NR2E1: variants seen among roughly 807,000 people sequenced by gnomAD.
NR2E1 encodes the protein nuclear receptor TLX.
A neutral mutation model predicts 43.6 loss-of-function variants in NR2E1; 5 were observed. That is an observed-to-expected ratio of 0.11 (90% CI 0.06 to 0.24). NR2E1 has a LOEUF of 0.24. NR2E1 is among the 10% of genes least tolerant of loss of function. The pLI is 1.00. For synonymous variants in NR2E1, 191 were observed against 195.5 expected (o/e 0.98, Z 0.19); for missense variants, 287 against 496.7 (o/e 0.58, Z 4.01).
intron 1 of NR2E1, among the ~76,000 whole-genome samples, chr6:108,168,396 T>A (rs393427): frequency 0.59 from 89,279 of 152,040 alleles, 26,659 homozygotes; most frequent in African/African-American, 0.65. Flanking sequence ...CTGGGGCCCT[T>A]GAAAGGTGAG....
chr6:108,182,505 C>T (rs1774008496), intron 8 of NR2E1, among the ~76,000 whole-genome samples: 1 of 151,320 alleles, frequency 6.6e-6, no homozygotes, highest in African/African-American at 2.4e-5. Context: ...CCTCCCACCT[C>T]AGCCTATTGA....
intron 4 of NR2E1, 34 bp downstream of exon 4, chr6:108,176,772 G>A (rs1773906715): frequency 6.5e-7 from 1 of 1,526,864 alleles, no homozygotes; most frequent in Non-Finnish European, 8.8e-7. Flanking sequence ...AGAGACTCGT[G>A]CCAGCGAATG....
At chr6:108,185,061 T>C (rs575445644) in intron 8 of NR2E1, among the ~76,000 whole-genome samples, 17 of 152,268 alleles carry the variant, frequency 1.1e-4, no homozygotes, top group African/African-American at 3.9e-4. Context: ...AGTGAACACT[T>C]TTTCCTCCAG....
At chr6:108,184,870 T>G (rs1774048862) in intron 8 of NR2E1, among the ~76,000 whole-genome samples, 1 of 152,250 alleles carries the variant, frequency 6.6e-6, no homozygotes, top group Admixed American at 6.5e-5. Context: ...CTATTAAATA[T>G]TAGAATAGTA....
chr6:108,179,502 G>GTA (rs1194447797), intron 5 of NR2E1, among the ~76,000 whole-genome samples: 4 of 150,208 alleles, frequency 2.7e-5, no homozygotes, highest in African/African-American at 9.8e-5. Context: ...CTGTGTGTGT[G>GTA]TGTGTGTGTG....
At chr6:108,168,019 A>G in intron 1 of NR2E1, 1 of 1,588,146 alleles carries the variant, frequency 6.3e-7, no homozygotes, top group Non-Finnish European at 8.6e-7. Context: ...ACAAAAAGAA[A>G]AGGAGAAATG....
At position 108,188,250 on chromosome 6, in the gene NR2E1, AT is replaced by A. The variant is rs2114685909; in HGVS notation, c.*788del. On this transcript the variant is annotated 3_prime_UTR_variant, in exon 9 of 9. Transcript: ENST00000368986. Reference sequence around the variant, plus strand: ...GGATGAATAAAAACAGCAAAACCAAATAAAGTGGAGATGAGTGATTGAGTGA... The same window carrying A: ...GGATGAATAAAAACAGCAAAACCAAAAAAGTGGAGATGAGTGATTGAGTGA... 6.6e-6 allele frequency: 1 copy of A among 152,364 alleles called. No homozygotes were observed. The highest frequency in any genetic ancestry group is 1.5e-5 in the Non-Finnish European group (1 of 68,074). 9.4% of individuals were successfully genotyped at this position (152,364 alleles called of 1,614,324 possible).
chr6:108,171,459 C>T lies in NR2E1; in HGVS notation c.27C>T (p.Ser9=). The change falls in exon 2 of 9, where the codon AGC becomes AGT. Residue 9 remains serine (S), a splice_region_variant and synonymous_variant. Transcript: ENST00000368986. The part of the protein sequence containing the change: MSKPAGST[S]RILDIPCKVC... ...TCCCCGTCTTTCCTGCGATTTCAGGCCGCATTTTAGATATCCCCTGCAAAG... is the reference window on the plus strand; with the variant it reads ...TCCCCGTCTTTCCTGCGATTTCAGGTCGCATTTTAGATATCCCCTGCAAAG... 2 of 1,613,954 alleles carry T rather than the reference C, an allele frequency of 1.2e-6. No homozygotes were observed. Among genetic ancestry groups the T allele is most frequent in the Non-Finnish European group, 1.7e-6 (2 of 1,179,944 alleles).
At chr6:108,172,143 G>A (rs575985630) in intron 2 of NR2E1, among the ~76,000 whole-genome samples, 70 of 152,328 alleles carry the variant, frequency 4.6e-4, no homozygotes, top group Non-Finnish European at 8.2e-4. Context: ...TGGAAGAGAG[G>A]CCGTGCTTTC....
At chr6:108,177,952 C>T in intron 4 of NR2E1, 143 bp from the exon 5 acceptor site, 1 of 847,764 alleles carries the variant, frequency 1.2e-6, no homozygotes, top group Admixed American at 2.0e-5. Flanking sequence ...TTTTTACCCA[C>T]CAATGTCAAC....
In NR2E1 at chr6:108,166,820, T is replaced by A. The variant is rs1362655153; in HGVS notation, c.25+30T>A. 1.3e-6 allele frequency: 2 copies of A among 1,584,366 alleles called. No individual in the cohort carries two copies. The highest frequency in any genetic ancestry group is 1.7e-6 in the Non-Finnish European group (2 of 1,168,646). ...GTACCTCTCGGGCCGCCGTGGGGCC[T>A]AGGCGCGCAGCCTGGGGCGAGCGAG... On this transcript the variant is annotated intron_variant, in intron 1 of 8. Coordinates refer to ENST00000368986, the MANE Select transcript of NR2E1 (RefSeq NM_003269.5). This position sits in a 1 kb window ranked among gnomAD's most constrained non-coding sequence, Gnocchi z 7.2.
At chr6:108,168,286 G>A (rs1773746170) in intron 1 of NR2E1, 2 of 984,450 alleles carry the variant, frequency 2.0e-6, no homozygotes, top group East Asian at 5.4e-5. Context: ...CGTGGGTCTC[G>A]GCAGGCCTCC....
Position 108,166,357 on chromosome 6 carries a change from A to C in NR2E1, c.-409A>C. On this transcript the variant is annotated 5_prime_UTR_variant, in exon 1 of 9. Transcript: ENST00000368986. This position sits in a 1 kb window ranked among gnomAD's most constrained non-coding sequence, Gnocchi z 7.2. The stretch of plus-strand genomic sequence containing the variant: ...ATGTAGAGGGAGAGATCGAAGACTG[A>C]GTGACAGGAATGGGGAAAAAGAGGG... The C allele has an allele frequency of 5.0e-6, 1 of 198,402 alleles. No homozygotes were observed. The highest frequency in any genetic ancestry group is 1.1e-4 in the South Asian group (1 of 9,036). The allele number at this position is 198,402 out of a possible 1,614,324, so 12.3% of individuals were successfully genotyped here.
intron 1 of NR2E1, chr6:108,168,010 C>G: frequency 6.3e-7 from 1 of 1,579,282 alleles, no homozygotes; most frequent in Non-Finnish European, 8.6e-7. Context: ...TGAACGTGAA[C>G]AAAAAGAAAA....
At chr6:108,182,290 TGA>T (rs888476899) in intron 8 of NR2E1, among the ~76,000 whole-genome samples, 8 of 150,016 alleles carry the variant, frequency 5.3e-5, no homozygotes, top group South Asian at 2.1e-4. Flanking sequence ...GGTTGGTATG[TGA>T]GAGAGTGGCC....
intron 8 of NR2E1, among the ~76,000 whole-genome samples, chr6:108,185,397 C>T (rs919783236): frequency 8.7e-6 from 1 of 114,962 alleles, no homozygotes; most frequent in East Asian, 2.1e-4. Context: ...CACACACACA[C>T]GCACACACAC....
intron 8 of NR2E1, among the ~76,000 whole-genome samples, chr6:108,183,343 A>AT (rs201838651): frequency 6.7e-6 from 1 of 149,516 alleles, no homozygotes; most frequent in East Asian, 2.0e-4. Flanking sequence ...TCCACCAAAA[A>AT]TTTAAAAAAA....
intron 4 of NR2E1, among the ~76,000 whole-genome samples, chr6:108,177,532 A>G (rs1423418991): frequency 6.6e-6 from 1 of 152,244 alleles, no homozygotes; most frequent in African/African-American, 2.4e-5. Flanking sequence ...ATGCACACGC[A>G]CAATATTTAA....
chr6:108,178,993 C>T (rs774696598), intron 5 of NR2E1: 2 of 152,520 alleles, frequency 1.3e-5, no homozygotes, highest in Non-Finnish European at 2.9e-5. Context: ...TGTTCCCAAC[C>T]ATTGGCTGTT....
Sources: allele counts gnomAD v4.1 joint callset (sites outside exome capture counted in the v4.1 genomes callset), GRCh38; gene constraint gnomAD v4.1.1; non-coding constraint Gnocchi (gnomAD v3.1); transcripts MANE v1.5; gene names NCBI Gene and HGNC (gene_info 2026-07-23, HGNC 2026-07-21).